Variants in FRMPD4 observed in about 807,000 individuals in gnomAD.
FRMPD4 encodes FERM and PDZ domain-containing protein 4.
FRMPD4 carries 22 observed loss-of-function variants against 94.1 expected under a neutral mutation model. The observed-to-expected ratio is 0.23, with a 90% CI of 0.17 to 0.33. FRMPD4 has a LOEUF of 0.33. Among genes scored for constraint, FRMPD4 ranks in the 10% least tolerant of loss-of-function variants. The pLI is 1.00. For synonymous variants in FRMPD4, 631 were observed against 548.6 expected (o/e 1.15, Z -2.10); for missense variants, 1,111 against 1,339.9 (o/e 0.83, Z 2.67).
chrX:12,026,805 T>C (rs913068504), intron 3 of FRMPD4, among the ~76,000 whole-genome samples: 1 of 112,552 alleles, frequency 8.9e-6, no homozygotes, highest in African/African-American at 3.2e-5. Context: ...AAAACATTAA[T>C]TCGTATTTTT....
At chrX:12,252,054 T>G (rs940154334) in intron 1 of FRMPD4, among the ~76,000 whole-genome samples, 2 of 112,444 alleles carry the variant, frequency 1.8e-5, no homozygotes, top group South Asian at 3.7e-4. Context: ...ATCTTAAGTT[T>G]TAAAGGAGCC....
intron 1 of FRMPD4, among the ~76,000 whole-genome samples, chrX:12,470,565 C>T (rs2057499655): frequency 8.9e-6 from 1 of 112,133 alleles, no homozygotes. Flanking sequence ...TGTGGCTAGG[C>T]TCACACATAT....
chrX:12,307,069 G>T (rs1029796324), intron 1 of FRMPD4, among the ~76,000 whole-genome samples: 1 of 112,512 alleles, frequency 8.9e-6, no homozygotes, highest in Non-Finnish European at 1.9e-5. Context: ...CACAAATATG[G>T]AGGACAGGGA....
At chrX:12,202,345 A>G (rs770029709) in intron 1 of FRMPD4, among the ~76,000 whole-genome samples, 5 of 112,372 alleles carry the variant, frequency 4.4e-5, no homozygotes, top group Admixed American at 9.4e-5. Context: ...GAACTGAACT[A>G]TGTTTATTTG....
intron 4 of FRMPD4, among the ~76,000 whole-genome samples, chrX:12,650,313 T>C: frequency 8.9e-6 from 1 of 112,165 alleles, no homozygotes; most frequent in Non-Finnish European, 1.9e-5. Flanking sequence ...TCTAGCCACC[T>C]GAGGCATCCT....
intron 4 of FRMPD4, among the ~76,000 whole-genome samples, chrX:12,654,993 C>A (rs1489623527): frequency 8.9e-6 from 1 of 112,110 alleles, no homozygotes; most frequent in Non-Finnish European, 1.9e-5. Flanking sequence ...ACATTACCTT[C>A]TTTACTGGAA....
chrX:12,588,813 G>A (rs2058956070), intron 2 of FRMPD4, among the ~76,000 whole-genome samples: 1 of 111,724 alleles, frequency 9.0e-6, no homozygotes, highest in African/African-American at 3.3e-5. Flanking sequence ...TTCTTTTTCT[G>A]CCTATTTCAA....
At chrX:12,328,637 C>A (rs919139459) in intron 1 of FRMPD4, among the ~76,000 whole-genome samples, 1 of 112,444 alleles carries the variant, frequency 8.9e-6, no homozygotes, top group Non-Finnish European at 1.9e-5. Flanking sequence ...TATATAATGG[C>A]ACCTCTTATT....
intron 1 of FRMPD4, among the ~76,000 whole-genome samples, chrX:12,177,413 T>A (rs1415622479): frequency 8.9e-6 from 1 of 112,620 alleles, no homozygotes; most frequent in East Asian, 2.8e-4. Flanking sequence ...GAGATAATTC[T>A]AGTTTTCAGG....
At chrX:12,109,845 G>A (rs1194681895) in intron 3 of FRMPD4, among the ~76,000 whole-genome samples, 1 of 111,549 alleles carries the variant, frequency 9.0e-6, no homozygotes, top group Non-Finnish European at 1.9e-5. Context: ...TCCTGGACAC[G>A]TACATCCTCC....
chrX:12,162,944 T>A (rs2056049071), intron 1 of FRMPD4, among the ~76,000 whole-genome samples: 2 of 111,900 alleles, frequency 1.8e-5, no homozygotes, highest in African/African-American at 6.5e-5. Context: ...ATCTCTCCAC[T>A]ACTAAAATAT....
intron 2 of FRMPD4, among the ~76,000 whole-genome samples, chrX:12,587,968 T>C (rs1349267833): frequency 8.9e-6 from 1 of 111,933 alleles, no homozygotes; most frequent in Non-Finnish European, 1.9e-5. Context: ...GCATAAAAGA[T>C]AGCAATTAAG....
chrX:12,322,068 C>T (rs916577710), intron 1 of FRMPD4, among the ~76,000 whole-genome samples: 2 of 111,649 alleles, frequency 1.8e-5, no homozygotes, highest in Non-Finnish European at 3.8e-5. Flanking sequence ...ATGGGGTCTG[C>T]TAGCAAACTT....
At chrX:11,863,063 T>C (rs1355805204) in intron 1 of FRMPD4, among the ~76,000 whole-genome samples, 1 of 106,509 alleles carries the variant, frequency 9.4e-6, no homozygotes, top group African/African-American at 3.4e-5. Context: ...GTTACATATG[T>C]ACAACGTGCA....
At position 12,589,297 on chromosome X, in the gene FRMPD4, G is replaced by T. The variant is rs773829355; in HGVS notation, c.159-20424G>T. Among the ~76,000 whole-genome samples the T allele has an allele frequency of 2.7e-5, 3 of 111,539 alleles. No homozygotes were observed. The Admixed American group carries it at 2.9e-4, about 11-fold the overall frequency. ...GTCTAATGATCATATTCAAGAAAGTGGAAATACCATTATCTGAGGATCAAG... is the reference window on the plus strand; with the variant it reads ...GTCTAATGATCATATTCAAGAAAGTTGAAATACCATTATCTGAGGATCAAG... On this transcript the variant is annotated intron_variant, in intron 2 of 16. Coordinates refer to ENST00000675598, the MANE Select transcript of FRMPD4 (RefSeq NM_001368397.1).
intron 2 of FRMPD4, among the ~76,000 whole-genome samples, chrX:12,539,139 TG>T (rs1258473714): frequency 2.7e-5 from 3 of 112,297 alleles, no homozygotes; most frequent in Non-Finnish European, 5.6e-5. Flanking sequence ...ACATGACGCT[TG>T]CACAAGCTTC....
At chrX:12,213,287 A>G (rs1263004145) in intron 1 of FRMPD4, among the ~76,000 whole-genome samples, 1 of 112,258 alleles carries the variant, frequency 8.9e-6, no homozygotes, top group East Asian at 2.8e-4. Context: ...TTTAATAAAA[A>G]CAAATTATCT....
At chrX:12,108,227 G>A (rs1367775573) in intron 3 of FRMPD4, among the ~76,000 whole-genome samples, 39 of 111,614 alleles carry the variant, frequency 3.5e-4, no homozygotes, top group African/African-American at 8.8e-4. Context: ...CTGATCTCTC[G>A]GCAGAAACTC....
Position 12,263,493 on chromosome X carries a change from G to C in FRMPD4, c.41+124481G>C, listed in dbSNP as rs909009013. 5.4e-5 allele frequency among the ~76,000 whole-genome samples: 6 copies of C among 112,071 alleles called. No individual in the cohort carries two copies. In the South Asian group the frequency reaches 1.1e-3, roughly 21 times the overall value. ...CTTTGACTTGGAATGAAAGCCAGTA[G>C]AGAGTTGGCATTGGTGTGACATGAG... On this transcript the variant is annotated intron_variant, in intron 1 of 16. Transcript: ENST00000675598.
Sources: gnomAD v4.1 joint callset for allele counts (sites outside exome capture counted in the v4.1 genomes callset) on GRCh38, gnomAD v4.1.1 for gene constraint, MANE v1.5 for transcripts, NCBI Gene and HGNC (gene_info 2026-07-23, HGNC 2026-07-21) for gene names.